Variants in SNTG1 observed in about 807,000 individuals in gnomAD.
SNTG1 encodes syntrophin gamma 1.
In SNTG1, 39 loss-of-function variants were observed where a neutral mutation model predicts 74.7. That is an observed-to-expected ratio of 0.52 (90% confidence interval 0.40 to 0.68). The LOEUF (loss-of-function observed/expected upper bound fraction) is 0.68, where lower values mean the gene tolerates loss of function less well. Among genes scored for constraint, SNTG1 ranks in the 30% least tolerant of loss-of-function variants. The probability of loss-of-function intolerance (pLI) is 0.00; values close to 1 mark genes in which losing one functional copy is unlikely to be tolerated. For synonymous variants in SNTG1, 254 were observed against 217.1 expected, an observed-to-expected ratio of 1.17 and a Z score of -1.49; for missense variants, 685 against 609.5, an observed-to-expected ratio of 1.12 and a Z score of -1.30.
intron 12 of SNTG1, among the ~76,000 whole-genome samples, chr8:50,559,193 G>T (rs187455002): frequency 6.6e-6 from 1 of 152,104 alleles, no homozygotes; most frequent in African/African-American, 2.4e-5. Context: ...GAATCTAGAT[G>T]AACATTGTTT....
chr8:50,111,747 T>G (rs544502248), intron 1 of SNTG1, among the ~76,000 whole-genome samples: 20 of 151,812 alleles, frequency 1.3e-4, no homozygotes, highest in African/African-American at 4.8e-4. Flanking sequence ...CCAAGCAAAA[T>G]CCTAGGAAAC....
intron 15 of SNTG1, among the ~76,000 whole-genome samples, chr8:50,680,662 C>T (rs2131386717): frequency 6.6e-6 from 1 of 152,218 alleles, no homozygotes; most frequent in Non-Finnish European, 1.5e-5. Flanking sequence ...CGGAGGCAGT[C>T]TATCTCTATT....
chr8:50,561,504 G>A (rs1010851025), intron 12 of SNTG1, among the ~76,000 whole-genome samples: 16 of 152,110 alleles, frequency 1.1e-4, no homozygotes, highest in African/African-American at 3.4e-4. Flanking sequence ...AAACTTCACA[G>A]CAAATATATT....
chr8:50,175,815 A>T (rs1019815555), intron 2 of SNTG1, among the ~76,000 whole-genome samples: 1 of 152,208 alleles, frequency 6.6e-6, no homozygotes, highest in African/African-American at 2.4e-5. Context: ...TTTTTAAAAA[A>T]TATGGCTGGA....
chr8:50,552,945 A>G (rs952345982), intron 11 of SNTG1, 105 bp from the exon 12 acceptor site: 2 of 1,344,908 alleles, frequency 1.5e-6, no homozygotes, highest in African/African-American at 2.9e-5. Context: ...TTGGAGGCTG[A>G]TATTTATATT....
chr8:50,690,042 G>A (rs1359040832), intron 15 of SNTG1, among the ~76,000 whole-genome samples: 1 of 152,158 alleles, frequency 6.6e-6, no homozygotes, highest in Non-Finnish European at 1.5e-5. Context: ...GCATAGAGAT[G>A]TTTGTAGTAT....
In SNTG1 at chr8:50,082,576, C is replaced by T. The variant is rs377320163; in HGVS notation, c.-102-89985C>T. On this transcript the variant is annotated intron_variant, in intron 1 of 18. Transcript: ENST00000642720. ...CTTAAGAGTGGGTTCATCTTAAGAG[C>T]GGTAAAAGAATGTGCTCAAAGACTT... is the stretch of plus-strand genomic sequence containing the variant. Among the ~76,000 whole-genome samples, 218 of 152,174 alleles carry T rather than the reference C, an allele frequency of 1.4e-3. 2 individuals carry two copies. The South Asian group carries it at 0.024, about 17-fold the overall frequency.
intron 1 of SNTG1, among the ~76,000 whole-genome samples, chr8:50,057,355 G>A (rs914727668): frequency 3.3e-5 from 5 of 152,086 alleles, no homozygotes; most frequent in Admixed American, 1.3e-4. Context: ...ATACCTTATC[G>A]GGAGCAATGC....
chr8:50,019,884 G>A (rs1301622283), intron 1 of SNTG1, among the ~76,000 whole-genome samples: 1 of 152,104 alleles, frequency 6.6e-6, no homozygotes, highest in East Asian at 1.9e-4. Flanking sequence ...AGACATAAGA[G>A]TGTCCTCTAA....
intron 1 of SNTG1, among the ~76,000 whole-genome samples, chr8:50,103,035 C>A (rs1336155496): frequency 1.3e-5 from 2 of 151,640 alleles, no homozygotes; most frequent in South Asian, 2.1e-4. Flanking sequence ...ATTGACTTGG[C>A]GATGCGGGCT....
intron 17 of SNTG1, among the ~76,000 whole-genome samples, chr8:50,711,571 G>C (rs1294629711): frequency 6.6e-6 from 1 of 152,182 alleles, no homozygotes; most frequent in Non-Finnish European, 1.5e-5. Flanking sequence ...CAGGGAATGA[G>C]AGTCGGCATG....
intron 2 of SNTG1, among the ~76,000 whole-genome samples, chr8:50,271,810 T>C (rs566151638): frequency 1.4e-4 from 22 of 152,320 alleles, no homozygotes; most frequent in African/African-American, 4.6e-4. Context: ...GGTGTTATGA[T>C]ATGAATGCCT....
At chr8:50,034,388 TTGTC>T (rs1208949114) in intron 1 of SNTG1, among the ~76,000 whole-genome samples, 1 of 152,252 alleles carries the variant, frequency 6.6e-6, no homozygotes, top group Non-Finnish European at 1.5e-5. Flanking sequence ...ACAAGCAAGG[TTGTC>T]TGAGCTCCTA....
chr8:50,637,743 A>G (rs2095048199), intron 13 of SNTG1, among the ~76,000 whole-genome samples: 1 of 152,160 alleles, frequency 6.6e-6, no homozygotes, highest in Admixed American at 6.6e-5. Flanking sequence ...TATTTAAATT[A>G]GTCATATCAA....
intron 2 of SNTG1, among the ~76,000 whole-genome samples, chr8:50,387,916 C>A (rs1278108955): frequency 6.6e-6 from 1 of 152,132 alleles, no homozygotes; most frequent in Non-Finnish European, 1.5e-5. Context: ...CTCAGCAGAA[C>A]TTAGGGGTTC....
At chr8:50,373,541 A>T (rs755745558) in intron 2 of SNTG1, among the ~76,000 whole-genome samples, 61 of 152,208 alleles carry the variant, frequency 4.0e-4, no homozygotes, top group Non-Finnish European at 7.8e-4. Flanking sequence ...AATGTACAAT[A>T]TGTGCCTCAG....
rs112752778 is a variant in SNTG1, at chr8:50,326,063, G to T, written c.-27-68149G>T. ...TTTAAAATGATGAAACAGCTTTGGA[G>T]CCTGAAATGAATTCCAAGTGGCTGT... On this transcript the variant is annotated intron_variant, in intron 2 of 18. Coordinates refer to ENST00000642720, the MANE Select transcript of SNTG1 (RefSeq NM_018967.5). 6.0e-3 allele frequency among the ~76,000 whole-genome samples: 916 copies of T among 152,080 alleles called. 7 individuals are homozygous for T. Among genetic ancestry groups the T allele is most frequent in the African/African-American group, 0.021 (858 of 41,530 alleles).
intron 9 of SNTG1, among the ~76,000 whole-genome samples, chr8:50,505,829 T>A (rs1042074966): frequency 2.6e-5 from 4 of 152,152 alleles, no homozygotes; most frequent in African/African-American, 7.2e-5. Flanking sequence ...GTTGATCATT[T>A]TATTTATTTT....
chr8:50,388,783 A>C (rs553175153), intron 2 of SNTG1, among the ~76,000 whole-genome samples: 17 of 152,344 alleles, frequency 1.1e-4, no homozygotes, highest in African/African-American at 4.1e-4. Context: ...TCCATTATTT[A>C]AAGTGAGTTG....
Sources: gnomAD v4.1 joint callset for allele counts (sites outside exome capture counted in the v4.1 genomes callset) on GRCh38, gnomAD v4.1.1 for gene constraint, MANE v1.5 for transcripts, NCBI Gene and HGNC (gene_info 2026-07-23, HGNC 2026-07-21) for gene names.